Variants in RBFOX1 observed in about 807,000 individuals in gnomAD.
The protein encoded by RBFOX1 is RNA binding protein fox-1 homolog 1.
Under a neutral mutation model 57.7 loss-of-function variants are expected in RBFOX1, and 8 were observed. The observed-to-expected ratio is 0.14, with a 90% CI of 0.08 to 0.25. RBFOX1 has a LOEUF of 0.25. Ranked by LOEUF, RBFOX1 falls within the 10% of genes least tolerant of loss-of-function variation. The pLI, the probability that RBFOX1 is intolerant of heterozygous loss-of-function variation, is 1.00. For missense variants in RBFOX1, 611 were observed against 548.5 expected, an observed-to-expected ratio of 1.11 and a Z score of -1.14; for synonymous variants, 326 against 222.4, an observed-to-expected ratio of 1.47 and a Z score of -4.15.
At chr16:7,040,508 A>T (rs59969423) in intron 3 of RBFOX1, among the ~76,000 whole-genome samples, 7,659 of 152,136 alleles carry the variant, frequency 0.05, 680 homozygotes, top group African/African-American at 0.17. Context: ...CAATAAGTTG[A>T]AGTGATATAA....
chr16:7,058,575 T>A (rs1243786687), intron 4 of RBFOX1, among the ~76,000 whole-genome samples: 1 of 151,216 alleles, frequency 6.6e-6, no homozygotes, highest in East Asian at 1.9e-4. Context: ...CATAAGTTTG[T>A]GTGTGTGTGT....
At chr16:6,708,444 GAA>G (rs1334836761) in intron 3 of RBFOX1, among the ~76,000 whole-genome samples, 8 of 152,106 alleles carry the variant, frequency 5.3e-5, no homozygotes, top group African/African-American at 1.9e-4. Flanking sequence ...TCATTTTTGT[GAA>G]AAGTGTTCCT....
At chr16:5,663,909 G>A (rs1210289201) in intron 3 of RBFOX1, among the ~76,000 whole-genome samples, 1 of 152,144 alleles carries the variant, frequency 6.6e-6, no homozygotes, top group Non-Finnish European at 1.5e-5. Flanking sequence ...TTTTGTTCCA[G>A]TTGAAGCAAA....
chr16:6,753,849 G>C (rs951140793), intron 3 of RBFOX1, among the ~76,000 whole-genome samples: 3 of 152,024 alleles, frequency 2.0e-5, no homozygotes, highest in Non-Finnish European at 4.4e-5. Flanking sequence ...GATTTTTGCC[G>C]AGCTGAGTTT....
intron 2 of RBFOX1, among the ~76,000 whole-genome samples, chr16:5,526,033 G>A (rs2044231303): frequency 6.6e-6 from 1 of 152,052 alleles, no homozygotes; most frequent in Non-Finnish European, 1.5e-5. Flanking sequence ...GGGCGGACGG[G>A]CAGTCACAGG....
intron 4 of RBFOX1, among the ~76,000 whole-genome samples, chr16:7,066,738 C>A (rs906368114): frequency 1.3e-5 from 2 of 152,146 alleles, no homozygotes; most frequent in Admixed American, 6.5e-5. Context: ...TGGTTGAAAT[C>A]ATTTCTTCTT....
chr16:7,217,599 G>T (rs898767542), intron 4 of RBFOX1, among the ~76,000 whole-genome samples: 9 of 151,912 alleles, frequency 5.9e-5, no homozygotes, highest in African/African-American at 2.2e-4. Flanking sequence ...TGAGAGGCCT[G>T]GTTCTGAGAA....
chr16:5,369,016 GT>G (rs1224476259), intron 1 of RBFOX1, among the ~76,000 whole-genome samples: 1 of 151,626 alleles, frequency 6.6e-6, no homozygotes, highest in Non-Finnish European at 1.5e-5. Flanking sequence ...TTGTTTGTTT[GT>G]TTTGAGACGA....
At chr16:6,499,282 A>T (rs2095853468) in intron 2 of RBFOX1, among the ~76,000 whole-genome samples, 3 of 152,300 alleles carry the variant, frequency 2.0e-5, no homozygotes, top group East Asian at 3.9e-4. Context: ...TTAGAAAAGC[A>T]TAAAGAAATT....
chr16:7,653,785 T>TCTC, intron 11 of RBFOX1, 30 bp from the exon 12 acceptor site: 1 of 1,280,496 alleles, frequency 7.8e-7, no homozygotes. Flanking sequence ...CAGCCTGTGC[T>TCTC]CTCTCTCTCT....
intron 2 of RBFOX1, among the ~76,000 whole-genome samples, chr16:6,653,935 A>G (rs1157460245): frequency 6.9e-6 from 1 of 145,364 alleles, no homozygotes; most frequent in East Asian, 2.3e-4. Flanking sequence ...TAGATGATTG[A>G]TGGATAGAGG....
At chr16:6,126,092 C>T (rs957688759) in intron 1 of RBFOX1, among the ~76,000 whole-genome samples, 12 of 152,128 alleles carry the variant, frequency 7.9e-5, no homozygotes, top group East Asian at 3.9e-4. Flanking sequence ...GTCAGATTTC[C>T]AATATGGTGT....
chr16:6,765,102 G>A (rs76345816), intron 3 of RBFOX1, among the ~76,000 whole-genome samples: 146 of 152,132 alleles, frequency 9.6e-4, no homozygotes, highest in African/African-American at 3.5e-3. Context: ...CTGGGGAAGC[G>A]TGCTCTAGGC....
intron 2 of RBFOX1, among the ~76,000 whole-genome samples, chr16:6,391,509 CAAA>C (rs538935947): frequency 5.1e-5 from 4 of 78,320 alleles, no homozygotes; most frequent in Non-Finnish European, 2.8e-5. Flanking sequence ...GACTCCGTCT[CAAA>C]AAAAAAAAAA....
intron 4 of RBFOX1, among the ~76,000 whole-genome samples, chr16:7,183,698 G>A (rs1381590754): frequency 1.3e-5 from 2 of 152,152 alleles, no homozygotes; most frequent in Non-Finnish European, 2.9e-5. Context: ...TTTAGGAAGA[G>A]TTGACTCACA....
chr16:6,487,105 C>G (rs548918456), intron 2 of RBFOX1, among the ~76,000 whole-genome samples: 1 of 151,048 alleles, frequency 6.6e-6, no homozygotes, highest in Non-Finnish European at 1.5e-5. Flanking sequence ...AATAAAGTTT[C>G]TATGAAAAGT....
At chr16:7,049,568 A>C (rs74008549) in intron 3 of RBFOX1, among the ~76,000 whole-genome samples, 14,199 of 152,144 alleles carry the variant, frequency 0.093, 1,015 homozygotes, top group East Asian at 0.27. Flanking sequence ...GAGTCTTTAT[A>C]TGGCTGGGTG....
intron 4 of RBFOX1, among the ~76,000 whole-genome samples, chr16:7,346,367 C>T (rs1213102661): frequency 6.6e-6 from 1 of 151,154 alleles, no homozygotes. Flanking sequence ...AGTGTATTTT[C>T]TTTAGTATTT....
chr16:5,968,322 G>A (rs528584333), intron 4 of RBFOX1, among the ~76,000 whole-genome samples: 25 of 152,142 alleles, frequency 1.6e-4, no homozygotes, highest in Admixed American at 2.6e-4. Flanking sequence ...TGATCCCCCC[G>A]CCTCAGCCTC....
Sources: gnomAD v4.1 joint callset for allele counts (sites outside exome capture counted in the v4.1 genomes callset) on GRCh38, gnomAD v4.1.1 for gene constraint, MANE v1.5 for transcripts, NCBI Gene and HGNC (gene_info 2026-07-23, HGNC 2026-07-21) for gene names.